Variants in WDR7 observed in about 807,000 individuals in gnomAD.
The protein encoded by WDR7 is WD repeat-containing protein 7.
Under a neutral mutation model 169.4 loss-of-function variants are expected in WDR7, and 46 were observed. The observed-to-expected ratio is 0.27, with a 90% CI of 0.21 to 0.35. The LOEUF (loss-of-function observed/expected upper bound fraction) is 0.35, where lower values mean the gene tolerates loss of function less well. WDR7 is among the 10% of genes least tolerant of loss of function. The probability of loss-of-function intolerance (pLI) is 1.00; values close to 1 mark genes in which losing one functional copy is unlikely to be tolerated. For synonymous variants in WDR7, 612 were observed against 666.8 expected (o/e 0.92, Z 1.27); for missense variants, 1,534 against 1,859.3 (o/e 0.83, Z 3.22).
chr18:56,715,514 T>C (rs900382799), intron 12 of WDR7, among the ~76,000 whole-genome samples: 4 of 152,002 alleles, frequency 2.6e-5, no homozygotes, highest in Admixed American at 1.3e-4. Context: ...TTTGGAGAGT[T>C]TGGGAGTCTA....
chr18:56,660,581 A>G (rs1437824005), intron 1 of WDR7, among the ~76,000 whole-genome samples: 1 of 151,894 alleles, frequency 6.6e-6, no homozygotes, highest in Non-Finnish European at 1.5e-5. Context: ...AGGCTTGATG[A>G]GATCATTGAG....
intron 20 of WDR7, among the ~76,000 whole-genome samples, chr18:56,834,787 T>C (rs1009213591): frequency 3.3e-5 from 5 of 152,222 alleles, no homozygotes; most frequent in East Asian, 1.9e-4. Flanking sequence ...TTATATGAAG[T>C]GCTATTAATT....
intron 19 of WDR7, among the ~76,000 whole-genome samples, chr18:56,795,387 T>C (rs1156783271): frequency 6.6e-6 from 1 of 152,208 alleles, no homozygotes; most frequent in Non-Finnish European, 1.5e-5. Context: ...GTCTTGCTGT[T>C]TGTTCACTGT....
rs984677834 is a variant in WDR7, at chr18:56,920,673, G to T, written c.3527-3249G>T. ...CTTGCCCTCTCAGTGAGATACTGTGGAATAGTGGTCCATTTATATCAAATA... is the reference window on the plus strand; with the variant it reads ...CTTGCCCTCTCAGTGAGATACTGTGTAATAGTGGTCCATTTATATCAAATA... On this transcript the variant is annotated intron_variant, in intron 21 of 27. Coordinates refer to ENST00000254442, the MANE Select transcript of WDR7 (RefSeq NM_015285.3). 2.0e-5 allele frequency among the ~76,000 whole-genome samples: 3 copies of T among 152,100 alleles called. No homozygotes were observed. In the East Asian group the frequency reaches 5.8e-4, roughly 29 times the overall value.
intron 26 of WDR7, among the ~76,000 whole-genome samples, chr18:56,997,529 A>G (rs1418888538): frequency 6.6e-6 from 1 of 152,216 alleles, no homozygotes; most frequent in Admixed American, 6.5e-5. Flanking sequence ...GCTTATCTCT[A>G]TTTGGACCAA....
chr18:56,910,512 A>G (rs1234073598), intron 21 of WDR7, among the ~76,000 whole-genome samples: 7 of 152,128 alleles, frequency 4.6e-5, no homozygotes, highest in African/African-American at 1.2e-4. Flanking sequence ...TCCTATATAG[A>G]TTTTTGTCCT....
At chr18:56,755,730 G>A (rs1253460537) in intron 14 of WDR7, among the ~76,000 whole-genome samples, 1 of 152,200 alleles carries the variant, frequency 6.6e-6, no homozygotes, top group East Asian at 1.9e-4. Context: ...CCCATGTAGG[G>A]GGAAGAGTGA....
intron 21 of WDR7, among the ~76,000 whole-genome samples, chr18:56,904,190 C>T (rs144344672): frequency 0.014 from 2,135 of 152,062 alleles, 32 homozygotes; most frequent in East Asian, 0.037. Flanking sequence ...CTGCCTCAGC[C>T]TCCCGAGTAG....
At chr18:56,855,282 T>C (rs1176396720) in intron 20 of WDR7, among the ~76,000 whole-genome samples, 1 of 152,156 alleles carries the variant, frequency 6.6e-6, no homozygotes, top group African/African-American at 2.4e-5. Flanking sequence ...AGAAGTTCTT[T>C]ATATGTTTAG....
At chr18:56,809,594 C>T (rs1358756506) in intron 19 of WDR7, among the ~76,000 whole-genome samples, 1 of 151,848 alleles carries the variant, frequency 6.6e-6, no homozygotes, top group African/African-American at 2.4e-5. Flanking sequence ...CTAGTGGACT[C>T]TTATTTTTTT....
chr18:56,751,435 G>A (rs1171806216), intron 14 of WDR7, among the ~76,000 whole-genome samples: 4 of 152,130 alleles, frequency 2.6e-5, no homozygotes, highest in Non-Finnish European at 5.9e-5. Flanking sequence ...TGGTAGTAAT[G>A]GTCTTTATCT....
rs1328479535 is a variant in WDR7, at chr18:56,793,162, C to T, written c.3190+11506C>T. On this transcript the variant is annotated intron_variant, in intron 19 of 27. Transcript: ENST00000254442. The stretch of plus-strand genomic sequence containing the variant: ...ATACATACTTCAGTCTACTGCCATA[C>T]CACCCTGAATGCGCCTGATCTTATC... Among the ~76,000 whole-genome samples, 4 of 152,310 alleles carry T rather than the reference C, an allele frequency of 2.6e-5. No individual in the cohort carries two copies. In the East Asian group the frequency reaches 7.7e-4, roughly 29 times the overall value.
intron 20 of WDR7, among the ~76,000 whole-genome samples, chr18:56,867,488 G>A (rs1166945445): frequency 1.3e-5 from 2 of 152,132 alleles, no homozygotes; most frequent in Admixed American, 6.6e-5. Flanking sequence ...TTAGAAAGCC[G>A]TCTCTTCACA....
chr18:57,000,068 G>A lies in WDR7; in HGVS notation c.4165-20677G>A, dbSNP rs2047954226. On this transcript the variant is annotated intron_variant, in intron 26 of 27. Transcript: ENST00000254442. ...CAGCTGGGAGCAGACTGGGCATGAAGAATTGGAAGTATCCAAATATTTTTA... is the reference window on the plus strand; with the variant it reads ...CAGCTGGGAGCAGACTGGGCATGAAAAATTGGAAGTATCCAAATATTTTTA... 1.3e-5 allele frequency among the ~76,000 whole-genome samples: 2 copies of A among 152,120 alleles called. 1 individual carries two copies. Among genetic ancestry groups the A allele is most frequent in the Non-Finnish European group, 2.9e-5 (2 of 68,020 alleles).
At chr18:56,905,840 A>C (rs1278670971) in intron 21 of WDR7, among the ~76,000 whole-genome samples, 1 of 152,184 alleles carries the variant, frequency 6.6e-6, no homozygotes, top group Non-Finnish European at 1.5e-5. Flanking sequence ...GAAGAGTTCA[A>C]AGTGGTACTC....
intron 26 of WDR7, among the ~76,000 whole-genome samples, chr18:56,992,807 G>A (rs1217050016): frequency 6.6e-6 from 1 of 152,152 alleles, no homozygotes; most frequent in Non-Finnish European, 1.5e-5. Flanking sequence ...TAGAAGTTCA[G>A]GGATACGATA....
rs2026584590 is a variant in WDR7 at position 56,731,430 on chromosome 18, A to T, written c.1822A>T (p.Asn608Tyr). The stretch of plus-strand genomic sequence containing the variant: ...GGGGATAACAGCAGTTGAGATTCTA[A>T]ACGCTTGTGATGAAGCTGTTCCTGC... ...VMGITAVEILNACDEAVPAAV... is the reference protein window; with the variant it reads ...VMGITAVEILYACDEAVPAAV... Residue 608 changes from asparagine to tyrosine, a missense_variant, in exon 14 of 28, where the codon AAC becomes TAC. Asn to Tyr is a moderately radical substitution (Grantham distance 143). Transcript: ENST00000254442. 6.2e-7 allele frequency: 1 copy of T among 1,614,072 alleles called. No homozygotes were observed. The highest frequency in any genetic ancestry group is 8.5e-7 in the Non-Finnish European group (1 of 1,180,040).
intron 22 of WDR7, among the ~76,000 whole-genome samples, chr18:56,926,427 T>G (rs905648094): frequency 2.6e-5 from 4 of 152,260 alleles, no homozygotes; most frequent in Non-Finnish European, 5.9e-5. Flanking sequence ...TTTTTAAATC[T>G]GATCAAAACA....
At chr18:56,912,774 C>T (rs993407491) in intron 21 of WDR7, among the ~76,000 whole-genome samples, 13 of 152,310 alleles carry the variant, frequency 8.5e-5, no homozygotes, top group Non-Finnish European at 1.3e-4. Context: ...CTTGACATTG[C>T]TTTTCAACCT....
Sources: gnomAD v4.1 joint callset for allele counts (sites outside exome capture counted in the v4.1 genomes callset) on GRCh38, gnomAD v4.1.1 for gene constraint, MANE v1.5 for transcripts, NCBI Gene and HGNC (gene_info 2026-07-23, HGNC 2026-07-21) for gene names.